DCDC2C: variants seen among roughly 807,000 people sequenced by gnomAD.
The protein encoded by DCDC2C is doublecortin domain containing 2C.
In DCDC2C, 44 loss-of-function variants were observed where a neutral mutation model predicts 45.0. The ratio of observed to expected loss-of-function variants is 0.98; its 90% confidence interval spans 0.77 to 1.26. DCDC2C has a LOEUF of 1.26. Among genes scored for constraint, DCDC2C ranks in the 50% most tolerant of loss-of-function variants. DCDC2C has a pLI of 0.00. For synonymous variants in DCDC2C, 187 were observed against 178.8 expected (o/e 1.05, Z -0.37); for missense variants, 447 against 468.9 (o/e 0.95, Z 0.43).
intron 2 of DCDC2C, among the ~76,000 whole-genome samples, chr2:3,712,608 C>T (rs1036887178): frequency 6.6e-6 from 1 of 152,130 alleles, no homozygotes; most frequent in Non-Finnish European, 1.5e-5. Context: ...TGCACTCCAG[C>T]CTGAGCAACA....
intron 2 of DCDC2C, among the ~76,000 whole-genome samples, chr2:3,725,350 G>C (rs1668613258): frequency 6.6e-6 from 1 of 152,198 alleles, no homozygotes; most frequent in South Asian, 2.1e-4. Context: ...GAAGCACATG[G>C]ACTGGCTGGG....
At chr2:3,711,614 G>A (rs79064691) in intron 2 of DCDC2C, among the ~76,000 whole-genome samples, 43,638 of 151,924 alleles carry the variant, frequency 0.29, 7,430 homozygotes, top group Non-Finnish European at 0.4. Flanking sequence ...CTAGGAGGAT[G>A]TGATTTTTAA....
At chr2:3,832,808 C>T (rs532294191) in intron 10 of DCDC2C, among the ~76,000 whole-genome samples, 1 of 152,288 alleles carries the variant, frequency 6.6e-6, no homozygotes, top group Admixed American at 6.5e-5. Flanking sequence ...CTAGTGTATA[C>T]CTCCCTATAC....
At chr2:3,711,771 T>G (rs1473642959) in intron 2 of DCDC2C, among the ~76,000 whole-genome samples, 2 of 152,248 alleles carry the variant, frequency 1.3e-5, no homozygotes, top group African/African-American at 4.8e-5. Context: ...TAATGATTGC[T>G]TATAGAGAAG....
rs1270630708 is a variant in DCDC2C at position 3,797,400 on chromosome 2, GC to G, written c.1065+12302del. ...TCTGCTCTGATTTTAGTTATTTCTT[GC>G]CTTCTTCTAGCTTTTGAATGTGTTT... On this transcript the variant is annotated intron_variant, in intron 10 of 10. Coordinates refer to ENST00000399143, the MANE Select transcript of DCDC2C (RefSeq NM_001287444.2). Among the ~76,000 whole-genome samples, 16 of 151,484 alleles carry G rather than the reference GC, an allele frequency of 1.1e-4. No individual in the cohort carries two copies. In the East Asian group the frequency reaches 3.1e-3, roughly 29 times the overall value.
chr2:3,787,322 G>A (rs778947361), intron 10 of DCDC2C, among the ~76,000 whole-genome samples: 1 of 152,164 alleles, frequency 6.6e-6, no homozygotes, highest in Non-Finnish European at 1.5e-5. Context: ...TCTGAGCCTC[G>A]GTTTCCTTAT....
At chr2:3,728,505 C>T (rs746892661) in intron 3 of DCDC2C, among the ~76,000 whole-genome samples, 4 of 152,158 alleles carry the variant, frequency 2.6e-5, no homozygotes, top group African/African-American at 7.2e-5. Context: ...ATTTTATGTG[C>T]GTGACCCAGG....
chr2:3,740,868 A>G (rs1669184144), intron 3 of DCDC2C, among the ~76,000 whole-genome samples: 3 of 152,188 alleles, frequency 2.0e-5, no homozygotes, highest in African/African-American at 7.2e-5. Context: ...AGTTATTTGC[A>G]TTTAAGGAAG....
chr2:3,783,716 G>T (rs890739744), intron 9 of DCDC2C, among the ~76,000 whole-genome samples: 1 of 152,240 alleles, frequency 6.6e-6, no homozygotes, highest in Non-Finnish European at 1.5e-5. Context: ...GGCATCGCAA[G>T]GCCTCTGGCC....
At chr2:3,804,235 T>C (rs1671180064) in intron 10 of DCDC2C, among the ~76,000 whole-genome samples, 1 of 152,220 alleles carries the variant, frequency 6.6e-6, no homozygotes, top group Admixed American at 6.5e-5. Context: ...TTGCAGGAAG[T>C]TTAAAACCAG....
chr2:3,807,906 T>G (rs1311516283), intron 10 of DCDC2C, among the ~76,000 whole-genome samples: 1 of 152,252 alleles, frequency 6.6e-6, no homozygotes, highest in East Asian at 1.9e-4. Flanking sequence ...TCCTGTCAAT[T>G]GCCTAGTAGT....
intron 2 of DCDC2C, among the ~76,000 whole-genome samples, chr2:3,719,232 C>T (rs1041870923): frequency 6.6e-6 from 1 of 152,090 alleles, no homozygotes; most frequent in Non-Finnish European, 1.5e-5. Flanking sequence ...ACTACAGGTG[C>T]CCGCCACCAT....
Position 3,734,217 on chromosome 2 carries a change from A to G in DCDC2C, c.416+7138A>G, listed in dbSNP as rs530010898. Among the ~76,000 whole-genome samples, 2 of 152,346 alleles carry G rather than the reference A, an allele frequency of 1.3e-5. No homozygotes were observed. Among genetic ancestry groups the G allele is most frequent in the African/African-American group, 4.8e-5 (2 of 41,584 alleles). On this transcript the variant is annotated intron_variant, in intron 3 of 10. Transcript: ENST00000399143. This position sits in a 1 kb window ranked among gnomAD's most constrained non-coding sequence, Gnocchi z 4.2. ...CTTCTGTCTTCATGCAAGCCCGAGTAAATGATTCATTCAGCCACCTGGGCT... is the reference window on the plus strand; with the variant it reads ...CTTCTGTCTTCATGCAAGCCCGAGTGAATGATTCATTCAGCCACCTGGGCT...
At chr2:3,778,692 A>T (rs1670422483) in intron 8 of DCDC2C, 124 bp from the exon 9 acceptor site, 2 of 812,484 alleles carry the variant, frequency 2.5e-6, no homozygotes, top group South Asian at 1.9e-5. Context: ...GAGAAACTGC[A>T]GTGACTTCCC....
At chr2:3,820,336 G>T (rs2148223112) in intron 10 of DCDC2C, among the ~76,000 whole-genome samples, 1 of 152,278 alleles carries the variant, frequency 6.6e-6, no homozygotes, top group East Asian at 1.9e-4. Context: ...AAGTTTTTGA[G>T]AACACAGGCT....
In DCDC2C at chr2:3,705,889, GT is replaced by G. The variant is rs1322464669; in HGVS notation, c.287+1852del. Among the ~76,000 whole-genome samples, 7 of 152,202 alleles carry G rather than the reference GT, an allele frequency of 4.6e-5. No homozygotes were observed. The East Asian group carries it at 1.3e-3, about 29-fold the overall frequency. ...CCACTGCAGAGGGAGGGGAGTTGGG[GT>G]CCGTGTGGCAGACAGCCTGGGTTAT... On this transcript the variant is annotated intron_variant, in intron 1 of 10. Transcript: ENST00000399143.
chr2:3,815,318 C>A (rs1671528742), intron 10 of DCDC2C, among the ~76,000 whole-genome samples: 1 of 152,002 alleles, frequency 6.6e-6, no homozygotes, highest in Non-Finnish European at 1.5e-5. Context: ...TGAGCCGCTG[C>A]ACTGCATTGT....
chr2:3,786,402 C>T (rs1180724177), intron 10 of DCDC2C, among the ~76,000 whole-genome samples: 2 of 116,418 alleles, frequency 1.7e-5, no homozygotes, highest in Non-Finnish European at 3.6e-5. Context: ...CGCCTGTGCA[C>T]GGAGCCTCCG....
intron 10 of DCDC2C, among the ~76,000 whole-genome samples, chr2:3,812,496 A>G (rs906933883): frequency 1.3e-5 from 2 of 151,388 alleles, no homozygotes; most frequent in African/African-American, 2.4e-5. Context: ...AGTGTAGATA[A>G]TATTCTATCA....
Sources: gnomAD v4.1 joint callset for allele counts (sites outside exome capture counted in the v4.1 genomes callset) on GRCh38, gnomAD v4.1.1 for gene constraint, Gnocchi (gnomAD v3.1) non-coding constraint, MANE v1.5 for transcripts, NCBI Gene and HGNC (gene_info 2026-07-23, HGNC 2026-07-21) for gene names.